WBP1L: variants seen among roughly 807,000 people sequenced by gnomAD.
WBP1L encodes the protein WW domain binding protein 1 like.
Under a neutral mutation model 33.7 loss-of-function variants are expected in WBP1L, and 17 were observed. That is an observed-to-expected ratio of 0.50 (90% CI 0.34 to 0.76). WBP1L has a LOEUF of 0.76. WBP1L is among the 30% of genes least tolerant of loss of function. WBP1L has a pLI of 0.01. For missense variants in WBP1L, 389 were observed against 469.4 expected, an observed-to-expected ratio of 0.83 and a Z score of 1.58; for synonymous variants, 173 against 190.8, an observed-to-expected ratio of 0.91 and a Z score of 0.77.
chr10:102,775,648 G>A (rs1363173445), intron 1 of WBP1L, among the ~76,000 whole-genome samples: 1 of 152,180 alleles, frequency 6.6e-6, no homozygotes, highest in Non-Finnish European at 1.5e-5. Flanking sequence ...GTCCAAGGTA[G>A]CGTGTCGTAC....
chr10:102,759,183 G>A lies in WBP1L; in HGVS notation c.90+15040G>A, dbSNP rs534031179. On this transcript the variant is annotated intron_variant, in intron 1 of 3. Coordinates refer to ENST00000448841, the MANE Select transcript of WBP1L (RefSeq NM_001083913.2). ...CCCTTTCGCGGTCTGCTAAGTAACG[G>A]GTGCCTTCCCAGACACTGGCGTTAC... 2.6e-5 allele frequency among the ~76,000 whole-genome samples: 4 copies of A among 152,214 alleles called. No individual in the cohort carries two copies. In the East Asian group the frequency reaches 7.7e-4, roughly 29 times the overall value.
At chr10:102,771,563 C>T (rs1160889624) in intron 1 of WBP1L, among the ~76,000 whole-genome samples, 1 of 151,306 alleles carries the variant, frequency 6.6e-6, no homozygotes, top group Non-Finnish European at 1.5e-5. Flanking sequence ...GACATGGTGG[C>T]TCATGCCTGT....
rs368734918 is a variant in WBP1L at position 102,783,345 on chromosome 10, ATGC to A, written c.91-14640_91-14638del. On this transcript the variant is annotated intron_variant, in intron 1 of 3. Transcript: ENST00000448841. The stretch of plus-strand genomic sequence containing the variant: ...GCCTTAGGCTTTGAAGGACCCCTTC[ATGC>A]TGCTGCTTGTACCATGTAGCTAAGA... Among the ~76,000 whole-genome samples, 1,307 of 152,304 alleles carry A rather than the reference ATGC, an allele frequency of 8.6e-3. 10 individuals are homozygous for A. Among genetic ancestry groups the A allele is most frequent in the African/African-American group, 0.03 (1,231 of 41,554 alleles).
intron 1 of WBP1L, chr10:102,746,107 GA>G: frequency 1.0e-6 from 1 of 984,406 alleles, no homozygotes; most frequent in Non-Finnish European, 1.2e-6. Flanking sequence ...ATAGGAACTA[GA>G]TCCACTTTTT....
chr10:102,805,248 C>T (rs1843713770), intron 2 of WBP1L, among the ~76,000 whole-genome samples: 1 of 152,130 alleles, frequency 6.6e-6, no homozygotes. Context: ...TACTGTACTC[C>T]AGCCTGGGTG....
At chr10:102,779,435 C>T (rs1843308534) in intron 1 of WBP1L, among the ~76,000 whole-genome samples, 1 of 151,892 alleles carries the variant, frequency 6.6e-6, no homozygotes, top group Non-Finnish European at 1.5e-5. Flanking sequence ...GTAGCTGGGA[C>T]TACAGGCATG....
At chr10:102,746,898 A>G (rs1333330413) in intron 1 of WBP1L, among the ~76,000 whole-genome samples, 2 of 151,570 alleles carry the variant, frequency 1.3e-5, no homozygotes, top group Non-Finnish European at 2.9e-5. Flanking sequence ...AAATGATACT[A>G]GGCAACTTGC....
At chr10:102,770,001 C>G (rs780538603) in intron 1 of WBP1L, among the ~76,000 whole-genome samples, 5 of 152,178 alleles carry the variant, frequency 3.3e-5, no homozygotes, top group Non-Finnish European at 7.3e-5. Flanking sequence ...CTGCTACATG[C>G]CTGCCTTTGT....
intron 1 of WBP1L, among the ~76,000 whole-genome samples, chr10:102,751,919 G>A (rs2134025513): frequency 6.6e-6 from 1 of 152,294 alleles, no homozygotes; most frequent in East Asian, 1.9e-4. Context: ...TGATTAATAA[G>A]TATAATAATA....
intron 1 of WBP1L, among the ~76,000 whole-genome samples, chr10:102,774,009 G>A (rs1322629798): frequency 1.3e-5 from 2 of 152,204 alleles, no homozygotes; most frequent in African/African-American, 4.8e-5. Flanking sequence ...CGTGGAGTGA[G>A]TGAATGAATG....
Position 102,750,656 on chromosome 10 carries a change from C to A in WBP1L, c.90+6513C>A, listed in dbSNP as rs141743152. On this transcript the variant is annotated intron_variant, in intron 1 of 3. Coordinates refer to ENST00000448841, the MANE Select transcript of WBP1L (RefSeq NM_001083913.2). Reference sequence around the variant, plus strand: ...AGCTGGGACTACAGGTGCCCACCACCACACCTGGCTAATTTTTTGTATTTT... The same window carrying A: ...AGCTGGGACTACAGGTGCCCACCACAACACCTGGCTAATTTTTTGTATTTT... Among the ~76,000 whole-genome samples the A allele has an allele frequency of 1.1e-3, 165 of 152,092 alleles. 1 individual carries two copies. The East Asian group carries it at 0.028, about 26-fold the overall frequency.
At chr10:102,795,731 T>C (rs144068067) in intron 1 of WBP1L, among the ~76,000 whole-genome samples, 4 of 152,338 alleles carry the variant, frequency 2.6e-5, no homozygotes, top group African/African-American at 7.2e-5. Context: ...TGTGGACACT[T>C]TGAACTGTGC....
At chr10:102,752,380 G>A (rs1339212038) in intron 1 of WBP1L, among the ~76,000 whole-genome samples, 2 of 152,138 alleles carry the variant, frequency 1.3e-5, no homozygotes, top group African/African-American at 2.4e-5. Context: ...GCGAGTTTTC[G>A]GTGGGACTTG....
At chr10:102,754,637 C>T (rs1350275710) in intron 1 of WBP1L, among the ~76,000 whole-genome samples, 1 of 152,018 alleles carries the variant, frequency 6.6e-6, no homozygotes, top group Admixed American at 6.6e-5. Flanking sequence ...ACGTAATCCA[C>T]CTGCCTCGAC....
chr10:102,747,635 T>C (rs1234871744), intron 1 of WBP1L, among the ~76,000 whole-genome samples: 2 of 151,954 alleles, frequency 1.3e-5, no homozygotes, highest in Non-Finnish European at 2.9e-5. Context: ...CAAACGAGCC[T>C]CCCACCTCAG....
chr10:102,789,164 T>C (rs77003840), intron 1 of WBP1L, among the ~76,000 whole-genome samples: 40 of 152,258 alleles, frequency 2.6e-4, no homozygotes, highest in African/African-American at 9.1e-4. Context: ...GTTTTCGCCA[T>C]GTTGGCCAGG....
chr10:102,797,968 C>T, intron 1 of WBP1L, 25 bp from the exon 2 acceptor site: 2 of 1,596,698 alleles, frequency 1.3e-6, no homozygotes, highest in Non-Finnish European at 1.7e-6. Context: ...ATTTAATATG[C>T]TAACATGCTT....
intron 1 of WBP1L, among the ~76,000 whole-genome samples, chr10:102,772,257 CT>C (rs34766191): frequency 1.0e-3 from 61 of 61,022 alleles, no homozygotes; most frequent in Admixed American, 7.0e-3. Context: ...TGCGCCCGGC[CT>C]TTTTTTTTTT....
intron 1 of WBP1L, among the ~76,000 whole-genome samples, chr10:102,758,623 G>A (rs577016221): frequency 2.6e-5 from 4 of 152,288 alleles, no homozygotes; most frequent in East Asian, 1.9e-4. Context: ...GTGCGGAGAC[G>A]AGAGATTGTA....
Sources: allele counts gnomAD v4.1 joint callset (sites outside exome capture counted in the v4.1 genomes callset), GRCh38; gene constraint gnomAD v4.1.1; transcripts MANE v1.5; gene names NCBI Gene and HGNC (gene_info 2026-07-23, HGNC 2026-07-21).